The following ZNF875 variants were observed in gnomAD, a reference collection of about 807,000 sequenced individuals.
ZNF875 encodes the protein zinc finger protein 875.
Under a neutral mutation model 11.2 loss-of-function variants are expected in ZNF875, and 14 were observed. The ratio of observed to expected loss-of-function variants is 1.26; its 90% CI spans 0.83 to 1.96. The LOEUF (loss-of-function observed/expected upper bound fraction) is 1.96, where lower values mean the gene tolerates loss of function less well. Ranked by LOEUF, ZNF875 falls within the 30% of genes most tolerant of loss-of-function variation. ZNF875 has a pLI of 0.00. For synonymous variants in ZNF875, 301 were observed against 281.1 expected (o/e 1.07, Z -0.71); for missense variants, 752 against 760.4 (o/e 0.99, Z 0.13).
At chr19:37,314,230 A>G (rs2030085581), upstream of ZNF875, among the ~76,000 whole-genome samples, 1 of 152,082 alleles carries the variant, frequency 6.6e-6, no homozygotes, top group Admixed American at 6.5e-5. Flanking sequence ...TCCCACGTTA[A>G]CCTACCTAGT....
At chr19:37,335,539 T>C (rs1477212818) in intron 2 of ZNF875, among the ~76,000 whole-genome samples, 2 of 152,200 alleles carry the variant, frequency 1.3e-5, no homozygotes, top group Non-Finnish European at 2.9e-5. Context: ...CGGGGGCACT[T>C]TGTCTCTAGT....
intron 2 of ZNF875, among the ~76,000 whole-genome samples, chr19:37,345,885 C>T (rs936937359): frequency 2.0e-5 from 3 of 152,088 alleles, no homozygotes; most frequent in South Asian, 2.1e-4. Flanking sequence ...ATGCCAAGGA[C>T]GGTTATATAT....
Position 37,355,587 on chromosome 19 carries a change from C to G in ZNF875, c.257-6522C>G, listed in dbSNP as rs147333798. ...TCAGTAAACTTAACTTTGATACAGT[C>G]ATTTTGCCTGTTATCTACCATTCGT... On this transcript the variant is annotated intron_variant, in intron 4 of 4. Coordinates refer to ENST00000392153, the MANE Select transcript of ZNF875 (RefSeq NM_001353803.2). Among the ~76,000 whole-genome samples the G allele has an allele frequency of 6.3e-3, 953 of 152,230 alleles. 25 individuals are homozygous for G. Among genetic ancestry groups the G allele is most frequent in the East Asian group, 0.052 (271 of 5,178 alleles).
upstream of ZNF875, among the ~76,000 whole-genome samples, chr19:37,314,585 G>T (rs1205179737): frequency 6.6e-6 from 1 of 152,078 alleles, no homozygotes; most frequent in African/African-American, 2.4e-5. Context: ...AGAACTTTGG[G>T]AGGAAAAGGT....
chr19:37,361,986 G>A, intron 4 of ZNF875, 123 bp from the exon 5 acceptor site: 1 of 654,926 alleles, frequency 1.5e-6, no homozygotes. Flanking sequence ...TGGGAAGGAT[G>A]TCTAACTGGG....
chr19:37,363,942 ATC>A lies in ZNF875; in HGVS notation c.*170_*171del. The A allele has an allele frequency of 1.6e-6, 1 of 607,294 alleles. No homozygotes were observed. 37.6% of individuals were successfully genotyped at this position (607,294 alleles called of 1,614,324 possible). ...ATGAGACTGTACTGGTAAGACTTGT[ATC>A]TCCATCCACCTGAAGGAGAATTGCT... is the stretch of plus-strand genomic sequence containing the variant. On this transcript the variant is annotated 3_prime_UTR_variant, in exon 5 of 5. Transcript: ENST00000392153.
In ZNF875 at chr19:37,362,171, C is replaced by T. The variant is rs554577004; in HGVS notation, c.319C>T (p.Leu107Phe). ...CPLIFSSQQALSQHVWLSHLS... is the reference protein window; with the variant it reads ...CPLIFSSQQAFSQHVWLSHLS... The stretch of plus-strand genomic sequence containing the variant: ...TCTGATTTTCTCCAGTCAGCAAGCT[C>T]TCAGCCAACATGTGTGGCTGAGTCA... The change falls in exon 5 of 5, where the codon CTC becomes TTC. Residue 107 changes from leucine (L) to phenylalanine (F), a missense_variant. Transcript: ENST00000392153. 2 of 1,614,180 alleles carry T rather than the reference C, an allele frequency of 1.2e-6. No individual in the cohort carries two copies. The highest frequency in any genetic ancestry group is 2.7e-5 in the African/African-American group (2 of 75,052).
rs369272087 is a variant in ZNF875 at position 37,352,464 on chromosome 19, G to A, written c.256+4592G>A. On this transcript the variant is annotated intron_variant, in intron 4 of 4. Transcript: ENST00000392153. ...TCACCATGTTGGCCAGGCTGGTCTC[G>A]AACTCCTGGCCTCAGGTGATCCACC... Among the ~76,000 whole-genome samples, 11 of 152,104 alleles carry A rather than the reference G, an allele frequency of 7.2e-5. 1 individual carries two copies. The highest frequency in any genetic ancestry group is 3.9e-4 in the Admixed American group (6 of 15,274).
intron 4 of ZNF875, among the ~76,000 whole-genome samples, chr19:37,350,106 CTTTTTT>C (rs34388347): frequency 1.6e-5 from 1 of 63,676 alleles, no homozygotes; most frequent in East Asian, 4.4e-4. Flanking sequence ...CCCCACTGGC[CTTTTTT>C]TTTTTTTTTT....
chr19:37,362,433 C>T lies in ZNF875; in HGVS notation c.581C>T (p.Thr194Ile). 1 of 1,614,144 alleles carries T rather than the reference C, an allele frequency of 6.2e-7. No individual in the cohort carries two copies. Among genetic ancestry groups the T allele is most frequent in the Non-Finnish European group, 8.5e-7 (1 of 1,180,028 alleles). The stretch of plus-strand genomic sequence containing the variant: ...CCAGCACAGTCCAAGGAAGACAACA[C>T]AGTGGTGGATATAGGGTCCAGCCCT... ...QQPAQSKEDN[T>I]VVDIGSSPER... is the part of the protein sequence containing the mutation. Residue 194 changes from threonine to isoleucine, a missense_variant, in exon 5 of 5, where the codon ACA becomes ATA. Transcript: ENST00000392153.
chr19:37,354,505 C>T (rs1427946645), intron 4 of ZNF875, among the ~76,000 whole-genome samples: 4 of 151,636 alleles, frequency 2.6e-5, no homozygotes, highest in Admixed American at 1.3e-4. Context: ...CTGGCATTTT[C>T]GTTAGTGGGC....
intron 4 of ZNF875, among the ~76,000 whole-genome samples, chr19:37,357,201 A>G (rs1261176301): frequency 6.6e-6 from 1 of 152,122 alleles, no homozygotes; most frequent in Non-Finnish European, 1.5e-5. Flanking sequence ...TTGTACTTAC[A>G]CCGTGCTGTT....
At chr19:37,359,474 G>A (rs2146631465) in intron 4 of ZNF875, 3 of 294,266 alleles carry the variant, frequency 1.0e-5, no homozygotes, top group South Asian at 2.6e-5. Flanking sequence ...TGTTATATCG[G>A]CTCACTGCAA....
chr19:37,347,911 C>A, intron 4 of ZNF875, 39 bp downstream of exon 4: 2 of 1,199,040 alleles, frequency 1.7e-6, no homozygotes, highest in Non-Finnish European at 2.5e-6. Flanking sequence ...TAATCCACAG[C>A]TTGGCAGATA....
intron 2 of ZNF875, chr19:37,344,780 A>G (rs759462491): frequency 1.3e-6 from 2 of 1,496,092 alleles, no homozygotes; most frequent in Non-Finnish European, 9.3e-7. Context: ...TAACGGTTGT[A>G]TTAAATGTGT....
intron 4 of ZNF875, among the ~76,000 whole-genome samples, chr19:37,358,378 G>A (rs553804963): frequency 4.0e-5 from 6 of 151,464 alleles, no homozygotes; most frequent in East Asian, 2.0e-4. Flanking sequence ...CTCGTGATCC[G>A]CCCGCCTCAG....
chr19:37,336,286 C>G (rs2034387418), intron 2 of ZNF875, among the ~76,000 whole-genome samples: 1 of 146,170 alleles, frequency 6.8e-6, no homozygotes, highest in Non-Finnish European at 1.5e-5. Context: ...AGTGGACTTG[C>G]TTAAGATTGA....
At chr19:37,356,231 G>A (rs191540327) in intron 4 of ZNF875, among the ~76,000 whole-genome samples, 62 of 152,262 alleles carry the variant, frequency 4.1e-4, no homozygotes, top group Middle Eastern at 3.4e-3. Flanking sequence ...ATAGTGCTGC[G>A]ATAAGCATAC....
At chr19:37,320,317 A>G (rs1310030553) in intron 1 of ZNF875, among the ~76,000 whole-genome samples, 1 of 152,206 alleles carries the variant, frequency 6.6e-6, no homozygotes, top group Admixed American at 6.5e-5. Context: ...GCCCTTGGGT[A>G]TGGGGCATTA....
Sources: allele counts gnomAD v4.1 joint callset (sites outside exome capture counted in the v4.1 genomes callset), GRCh38; gene constraint gnomAD v4.1.1; transcripts MANE v1.5; gene names NCBI Gene and HGNC (gene_info 2026-07-23, HGNC 2026-07-21).